Variants in ENPP6 observed in about 807,000 individuals in gnomAD.
The protein encoded by ENPP6 is glycerophosphocholine cholinephosphodiesterase ENPP6.
ENPP6 carries 32 observed loss-of-function variants against 42.0 expected under a neutral mutation model. That is an observed-to-expected ratio of 0.76 (90% CI 0.58 to 1.02). ENPP6 has a LOEUF of 1.02. Ranked by LOEUF, ENPP6 falls within the 50% of genes least tolerant of loss-of-function variation. The probability of loss-of-function intolerance (pLI) is 0.00; values close to 1 mark genes in which losing one functional copy is unlikely to be tolerated. For synonymous variants in ENPP6, 213 were observed against 216.0 expected, an observed-to-expected ratio of 0.99 and a Z score of 0.12; for missense variants, 552 against 566.8, an observed-to-expected ratio of 0.97 and a Z score of 0.27.
intron 2 of ENPP6, among the ~76,000 whole-genome samples, chr4:184,129,291 T>TACACACACACACACAC (rs60982411): frequency 4.1e-4 from 59 of 145,400 alleles, no homozygotes; most frequent in African/African-American, 1.4e-3. Flanking sequence ...CCCCCCAACA[T>TACACACACACACACAC]ACACACACAC....
chr4:184,113,956 T>TTTC (rs1736270068), intron 5 of ENPP6, among the ~76,000 whole-genome samples: 2 of 147,236 alleles, frequency 1.4e-5, no homozygotes, highest in East Asian at 2.0e-4. Context: ...TCTTTCTTTC[T>TTTC]TTCTTTCTCT....
intron 2 of ENPP6, among the ~76,000 whole-genome samples, chr4:184,133,680 A>G (rs764800522): frequency 1.4e-5 from 2 of 145,392 alleles, no homozygotes; most frequent in Non-Finnish European, 3.0e-5. Context: ...TTCTCCATAA[A>G]CTATGATGTT....
chr4:184,143,114 C>T (rs1730060958), intron 2 of ENPP6, among the ~76,000 whole-genome samples: 1 of 152,250 alleles, frequency 6.6e-6, no homozygotes, highest in African/African-American at 2.4e-5. Flanking sequence ...CCTTCTCCTT[C>T]TCCGAGGAGC....
chr4:184,208,569 C>G (rs1301123543), intron 1 of ENPP6, among the ~76,000 whole-genome samples: 1 of 151,900 alleles, frequency 6.6e-6, no homozygotes, highest in Non-Finnish European at 1.5e-5. Context: ...TTATAACCCG[C>G]ACCTGGCTGG....
At position 184,112,452 on chromosome 4, in the gene ENPP6, G is replaced by A. The variant is rs1007184813; in HGVS notation, c.993+220C>T. 11 of 528,110 alleles carry A rather than the reference G, an allele frequency of 2.1e-5. No homozygotes were observed. The South Asian group carries it at 2.4e-4, about 12-fold the overall frequency. The allele number at this position is 528,110 out of a possible 1,614,324, so 32.7% of individuals were successfully genotyped here. On this transcript the variant is annotated intron_variant, in intron 6 of 7. Coordinates refer to ENST00000296741, the MANE Select transcript of ENPP6 (RefSeq NM_153343.4). Reference sequence around the variant, plus strand: ...TTTGTTAAAACACAGCGAGTCTGGAGCCACGAAGTCTAAACCATGACTCTG... The same window carrying A: ...TTTGTTAAAACACAGCGAGTCTGGAACCACGAAGTCTAAACCATGACTCTG...
intron 7 of ENPP6, among the ~76,000 whole-genome samples, chr4:184,093,040 C>T (rs560286921): frequency 3.5e-4 from 54 of 152,274 alleles, no homozygotes; most frequent in African/African-American, 1.2e-3. Context: ...CCAAATAGCA[C>T]GTTTTGCTCC....
chr4:184,112,848 T>A, intron 5 of ENPP6, 39 bp from the exon 6 acceptor site: 1 of 1,570,032 alleles, frequency 6.4e-7, no homozygotes, highest in South Asian at 1.2e-5. Flanking sequence ...TGACACTCTC[T>A]TAAATATGTG....
intron 1 of ENPP6, among the ~76,000 whole-genome samples, chr4:184,166,909 T>C (rs911311018): frequency 2.0e-5 from 3 of 152,186 alleles, no homozygotes; most frequent in East Asian, 3.9e-4. Flanking sequence ...GTGGCTACTT[T>C]GGCAAAAACC....
At chr4:184,103,647 G>A (rs1032180466) in intron 6 of ENPP6, among the ~76,000 whole-genome samples, 1 of 152,190 alleles carries the variant, frequency 6.6e-6, no homozygotes, top group African/African-American at 2.4e-5. Flanking sequence ...TATAAACCAC[G>A]CTTTCTCATA....
In ENPP6 at chr4:184,117,766, C is replaced by T. The variant is rs1736344125; in HGVS notation, c.668G>A (p.Trp223Ter). ...GTCTTTGCTTCAGGTCACCTGGATCCACTTGGTCATGTACTTCAGGACAGT... is the reference window on the plus strand; with the variant it reads ...GTCTTTGCTTCAGGTCACCTGGATCTACTTGGTCATGTACTTCAGGACAGT... ...VDTVLKYMTK[W>*]IQERGLQDRL... is the part of the protein sequence containing the mutation. The change falls in exon 4 of 8, where the codon TGG becomes TAG. Residue 223 changes from tryptophan to a stop codon, truncating the protein, a stop_gained. Transcript: ENST00000296741. LOFTEE classifies it high-confidence loss of function. 2 of 1,613,854 alleles carry T rather than the reference C, an allele frequency of 1.2e-6. No homozygotes were observed. The highest frequency in any genetic ancestry group is 2.7e-5 in the African/African-American group (2 of 75,044).
At chr4:184,113,712 T>G (rs1273950902) in intron 5 of ENPP6, among the ~76,000 whole-genome samples, 2 of 152,232 alleles carry the variant, frequency 1.3e-5, no homozygotes, top group Non-Finnish European at 2.9e-5. Context: ...AAAGCACTAG[T>G]ACTTGTTTGC....
chr4:184,101,668 A>G (rs772332366), intron 6 of ENPP6, among the ~76,000 whole-genome samples: 1 of 152,040 alleles, frequency 6.6e-6, no homozygotes, highest in South Asian at 2.1e-4. Context: ...CAGTTTGAAA[A>G]CCAGGACAGT....
chr4:184,157,838 T>C (rs1177622765), intron 1 of ENPP6, among the ~76,000 whole-genome samples: 1 of 149,178 alleles, frequency 6.7e-6, no homozygotes, highest in Admixed American at 6.8e-5. Context: ...AAGGTTGGTC[T>C]CAAACTCCTG....
intron 1 of ENPP6, among the ~76,000 whole-genome samples, chr4:184,194,887 G>C (rs1240737881): frequency 6.6e-6 from 1 of 152,148 alleles, no homozygotes; most frequent in Non-Finnish European, 1.5e-5. Context: ...CAGTGCTGCT[G>C]CCCCAACTCC....
chr4:184,167,398 T>C (rs371385340), intron 1 of ENPP6, among the ~76,000 whole-genome samples: 7 of 152,280 alleles, frequency 4.6e-5, no homozygotes, highest in South Asian at 2.1e-4. Context: ...GCTTTTCAAC[T>C]GGAGTAGAAC....
In ENPP6 at chr4:184,169,039, T is replaced by C. The variant is rs577260374; in HGVS notation, c.242-15306A>G. Among the ~76,000 whole-genome samples the C allele has an allele frequency of 2.0e-3, 302 of 152,354 alleles. 12 individuals are homozygous for C. The South Asian group carries it at 0.06, about 30-fold the overall frequency. On this transcript the variant is annotated intron_variant, in intron 1 of 7. Transcript: ENST00000296741. ...CTTTCCCTCCTTCTCTTAGTTCCTC[T>C]TTTGGTTGAGTTTATGATTTTTTTA...
Position 184,182,775 on chromosome 4 carries a change from C to T in ENPP6, c.242-29042G>A, listed in dbSNP as rs542482801. 2.2e-4 allele frequency among the ~76,000 whole-genome samples: 33 copies of T among 152,322 alleles called. No homozygotes were observed. In the South Asian group the frequency reaches 3.7e-3, roughly 17 times the overall value. ...TGCAAGGACAGAAAACCAAACACCA[C>T]ATGTTCTCACTTACAAGTGGGAGCT... On this transcript the variant is annotated intron_variant, in intron 1 of 7. Coordinates refer to ENST00000296741, the MANE Select transcript of ENPP6 (RefSeq NM_153343.4).
chr4:184,196,460 T>C (rs1732802578), intron 1 of ENPP6, among the ~76,000 whole-genome samples: 1 of 152,400 alleles, frequency 6.6e-6, no homozygotes, highest in African/African-American at 2.4e-5. Flanking sequence ...TATGACTATG[T>C]ATGTCAATAC....
In ENPP6 at chr4:184,116,140, A is replaced by G. The variant is rs192753967; in HGVS notation, c.855+716T>C. 7.0e-4 allele frequency among the ~76,000 whole-genome samples: 106 copies of G among 151,962 alleles called. 1 individual carries two copies. Among genetic ancestry groups the G allele is most frequent in the African/African-American group, 2.3e-3 (96 of 41,438 alleles). ...CAGGAGGCTGAGACAGGAGAATGGC[A>G]TGAACCCGGGAGGCAAAGCTTGCAG... On this transcript the variant is annotated intron_variant, in intron 5 of 7. Coordinates refer to ENST00000296741, the MANE Select transcript of ENPP6 (RefSeq NM_153343.4).
Sources: gnomAD v4.1 joint callset for allele counts (sites outside exome capture counted in the v4.1 genomes callset) on GRCh38, gnomAD v4.1.1 for gene constraint, MANE v1.5 for transcripts, NCBI Gene and HGNC (gene_info 2026-07-23, HGNC 2026-07-21) for gene names.